NDUFAF7: variants seen among roughly 807,000 people sequenced by gnomAD.
The protein encoded by NDUFAF7 is NADH:ubiquinone oxidoreductase complex assembly factor 7, also known as protein arginine methyltransferase NDUFAF7, mitochondrial.
In NDUFAF7, 48 loss-of-function variants were observed where a neutral mutation model predicts 47.2. That is an observed-to-expected ratio of 1.02 (90% CI 0.81 to 1.29). The LOEUF (loss-of-function observed/expected upper bound fraction) is 1.29. Ranked by LOEUF, NDUFAF7 falls within the 50% of genes most tolerant of loss-of-function variation. NDUFAF7 has a pLI of 0.00. For missense variants in NDUFAF7, 635 were observed against 537.6 expected (o/e 1.18, Z -1.79); for synonymous variants, 217 against 190.0 (o/e 1.14, Z -1.17).
the NDUFAF7 span, chr2:37,260,244 A>G: frequency 6.2e-7 from 1 of 1,611,546 alleles, no homozygotes; most frequent in Non-Finnish European, 8.5e-7. Context: ...TGAATTTAGT[A>G]ATTCGTTCTG....
At chr2:37,243,520 A>G (rs1335790201) in intron 6 of NDUFAF7, among the ~76,000 whole-genome samples, 2 of 152,144 alleles carry the variant, frequency 1.3e-5, no homozygotes, top group Non-Finnish European at 2.9e-5. Flanking sequence ...GATAATGTAT[A>G]TGTACTGGTA....
Position 37,236,111 on chromosome 2 carries a change from C to CTAT in NDUFAF7, c.232_233insTAT (p.Arg78delinsLeuCys), listed in dbSNP as rs1665722312. ...TTTTACTCAGGGTTATTATGTGTAC[C>CTAT]GTGACATGCTAGGCGAAAAAGGAGA... On this transcript the variant is annotated protein_altering_variant, in exon 3 of 10. Coordinates refer to ENST00000002125, the MANE Select transcript of NDUFAF7 (RefSeq NM_144736.5). 4 of 1,612,610 alleles carry CTAT rather than the reference C, an allele frequency of 2.5e-6. No individual in the cohort carries two copies. The highest frequency in any genetic ancestry group is 3.4e-6 in the Non-Finnish European group (4 of 1,179,060).
Position 37,232,117 on chromosome 2 carries a change from A to T in NDUFAF7, c.67A>T (p.Ile23Phe). ...CAVARAAIPF[I>F]WRGKYFSSGN... ...TGTGTTTTTCGCAGCCATTCCTTTT[A>T]TTTGGAGAGGGAAATACTTCAGCTC... Residue 23 changes from isoleucine to phenylalanine, a missense_variant, in exon 2 of 10, where the codon ATT becomes TTT. Coordinates refer to ENST00000002125, the MANE Select transcript of NDUFAF7 (RefSeq NM_144736.5). The T allele has an allele frequency of 5.0e-6, 8 of 1,614,144 alleles. No individual in the cohort carries two copies. Among genetic ancestry groups the T allele is most frequent in the Non-Finnish European group, 6.8e-6 (8 of 1,180,008 alleles).
the NDUFAF7 span, chr2:37,259,546 G>A: frequency 6.7e-7 from 1 of 1,487,974 alleles, no homozygotes; most frequent in East Asian, 2.3e-5. Context: ...TGAAAATGTT[G>A]CCAGAATCAT....
At chr2:37,245,140 A>G (rs181693817) in intron 7 of NDUFAF7, among the ~76,000 whole-genome samples, 2 of 152,356 alleles carry the variant, frequency 1.3e-5, no homozygotes, top group East Asian at 1.9e-4. Context: ...TACAATATCT[A>G]TAAGGAAGAA....
In NDUFAF7 at chr2:37,242,700, AG is replaced by A; in HGVS notation, c.681+13del. On this transcript the variant is annotated splice_region_variant and intron_variant, in intron 6 of 9. Transcript: ENST00000002125. ...TCCTGTGCATAAATTTCAGGTATTG[AG>A]GGGGGAAAAAAGTCATGTCTATAAT... is the stretch of plus-strand genomic sequence containing the variant. 3.1e-6 allele frequency: 5 copies of A among 1,587,332 alleles called. No homozygotes were observed. The highest frequency in any genetic ancestry group is 1.1e-5 in the South Asian group (1 of 90,468).
intron 2 of NDUFAF7, among the ~76,000 whole-genome samples, chr2:37,233,053 T>G (rs546194001): frequency 6.6e-5 from 10 of 152,306 alleles, no homozygotes; most frequent in African/African-American, 2.4e-4. Flanking sequence ...GATAGGTGGC[T>G]TAGACTAGTG....
In NDUFAF7 at chr2:37,248,427, G is replaced by GT. The variant is rs1667156133; in HGVS notation, c.*78dup. 1.5e-6 allele frequency: 2 copies of GT among 1,330,076 alleles called. No individual in the cohort carries two copies. The highest frequency in any genetic ancestry group is 2.2e-6 in the Non-Finnish European group (2 of 923,724). 82.4% of individuals were successfully genotyped at this position (1,330,076 alleles called of 1,614,324 possible). On this transcript the variant is annotated 3_prime_UTR_variant, in exon 10 of 10. Transcript: ENST00000002125. ...AGGAAACACATTTCATATACTGCAG[G>GT]TAACAAAAGTCAAAGTATTTTATCT... is the stretch of plus-strand genomic sequence containing the variant.
the NDUFAF7 span, chr2:37,267,480 A>T: frequency 6.2e-7 from 1 of 1,610,974 alleles, no homozygotes; most frequent in Admixed American, 1.7e-5. Flanking sequence ...TTTGTGGGGA[A>T]TCTCATCTTA....
At chr2:37,244,282 G>A (rs899747070) in intron 7 of NDUFAF7, among the ~76,000 whole-genome samples, 4 of 152,200 alleles carry the variant, frequency 2.6e-5, no homozygotes, top group Non-Finnish European at 5.9e-5. Context: ...TTGTCCACAG[G>A]AAGAGTTTAC....
the NDUFAF7 span, among the ~76,000 whole-genome samples, chr2:37,270,642 T>C: frequency 2.6e-5 from 4 of 152,282 alleles, no homozygotes; most frequent in East Asian, 1.9e-4. Flanking sequence ...CCCACACTTA[T>C]AAAGACAAAG....
intron 2 of NDUFAF7, 126 bp downstream of exon 2, chr2:37,232,392 C>A (rs1401617760): frequency 8.1e-7 from 1 of 1,229,422 alleles, no homozygotes; most frequent in African/African-American, 1.5e-5. Flanking sequence ...AGAGCCATTT[C>A]TGAGGACCTG....
At chr2:37,255,073 TTG>T (rs564827521), downstream of NDUFAF7, among the ~76,000 whole-genome samples, 29 of 152,334 alleles carry the variant, frequency 1.9e-4, no homozygotes, top group African/African-American at 6.7e-4. Flanking sequence ...GTTCTATTTC[TTG>T]TCTCTATACT....
chr2:37,249,638 AT>A (rs1182370600), downstream of NDUFAF7, among the ~76,000 whole-genome samples: 11 of 119,388 alleles, frequency 9.2e-5, no homozygotes, highest in African/African-American at 3.4e-4. Context: ...GTAGCCTGTG[AT>A]AGAGACACAC....
chr2:37,241,486 A>G (rs1666323978), intron 4 of NDUFAF7, 92 bp from the exon 5 acceptor site: 2 of 1,071,272 alleles, frequency 1.9e-6, no homozygotes, highest in African/African-American at 1.6e-5. Flanking sequence ...TATTACCTCT[A>G]TTGTGACATG....
Position 37,247,528 on chromosome 2 carries a change from T to G in NDUFAF7, c.1009T>G (p.Phe337Val). The part of the protein sequence containing the change: ...GTADLTADVD[F>V]SYLRRMAQGK... The stretch of plus-strand genomic sequence containing the variant: ...AGCAGATCTAACAGCTGATGTGGAC[T>G]TCAGTTATTTGCGAAGAATGGCACA... The change falls in exon 9 of 10, where the codon TTC (phenylalanine) becomes GTC (valine). Residue 337 changes from phenylalanine to valine, a missense_variant. Phe to Val is a conservative substitution (Grantham distance 50). Transcript: ENST00000002125. 1 of 1,614,116 alleles carries G rather than the reference T, an allele frequency of 6.2e-7. No individual in the cohort carries two copies. Among genetic ancestry groups the G allele is most frequent in the Non-Finnish European group, 8.5e-7 (1 of 1,180,004 alleles).
the NDUFAF7 span, chr2:37,259,610 C>T: frequency 1.2e-6 from 2 of 1,613,032 alleles, no homozygotes; most frequent in Non-Finnish European, 1.7e-6. Context: ...CTGATGCAAG[C>T]AGCACATTTT....
chr2:37,247,221 C>T (rs1667021490), intron 8 of NDUFAF7: 2 of 563,950 alleles, frequency 3.5e-6, no homozygotes, highest in African/African-American at 3.8e-5. Flanking sequence ...GACGTGATTT[C>T]ATTTTTTTTT....
chr2:37,246,138 AG>A lies in NDUFAF7; in HGVS notation c.881del (p.Gly294ValfsTer30). ...TTTCTCAACGCATTGCATTAACTGG[AG>A]GTGCTGCACTGGTTGCTGATTATGG... is the stretch of plus-strand genomic sequence containing the variant. ...ELSQRIALTG[G>X]AALVADYGHD... On this transcript the variant is annotated frameshift_variant, in exon 8 of 10. Coordinates refer to ENST00000002125, the MANE Select transcript of NDUFAF7 (RefSeq NM_144736.5). LOFTEE classifies it high-confidence loss of function. The A allele has an allele frequency of 6.2e-7, 1 of 1,613,844 alleles. No homozygotes were observed. The highest frequency in any genetic ancestry group is 2.2e-5 in the East Asian group (1 of 44,866).
Sources: allele counts gnomAD v4.1 joint callset (sites outside exome capture counted in the v4.1 genomes callset), GRCh38; gene constraint gnomAD v4.1.1; transcripts MANE v1.5; gene names NCBI Gene and HGNC (gene_info 2026-07-23, HGNC 2026-07-21).